Variants in GPSM2 observed in about 807,000 individuals in gnomAD.
GPSM2 encodes G protein-signaling modulator 2.
Under a neutral mutation model 78.4 loss-of-function variants are expected in GPSM2, and 58 were observed. That is an observed-to-expected ratio of 0.74 (90% CI 0.60 to 0.92). The LOEUF is 0.92. GPSM2 is among the 40% of genes least tolerant of loss of function. The probability of loss-of-function intolerance (pLI) is 0.00; values close to 1 mark genes in which losing one functional copy is unlikely to be tolerated. For synonymous variants in GPSM2, 224 were observed against 280.2 expected (o/e 0.80, Z 2.00); for missense variants, 700 against 815.5 (o/e 0.86, Z 1.73).
Position 108,931,315 on chromosome 1 carries a change from A to G in GPSM2, c.*1375A>G. 1 of 1,546,820 alleles carries G rather than the reference A, an allele frequency of 6.5e-7. No homozygotes were observed. Among genetic ancestry groups the G allele is most frequent in the Non-Finnish European group, 8.7e-7 (1 of 1,144,652 alleles). On this transcript the variant is annotated 3_prime_UTR_variant, in exon 15 of 15. Coordinates refer to ENST00000264126, the MANE Select transcript of GPSM2 (RefSeq NM_013296.5). ...AAGCTTTGTCTTCCTTATCCCAGAT[A>G]TTGAAGGCAGTTTACAAGGGGATGA... is the stretch of plus-strand genomic sequence containing the variant.
At chr1:108,884,694 T>C (rs1647392210) in intron 1 of GPSM2, among the ~76,000 whole-genome samples, 1 of 152,236 alleles carries the variant, frequency 6.6e-6, no homozygotes, top group South Asian at 2.1e-4. Context: ...TATTTTAGAC[T>C]GAATGGTGTT....
intron 2 of GPSM2, among the ~76,000 whole-genome samples, chr1:108,886,551 G>T (rs1376734487): frequency 6.6e-6 from 1 of 152,210 alleles, no homozygotes; most frequent in Non-Finnish European, 1.5e-5. Context: ...CAAATGGATT[G>T]TCTACATTCC....
intron 11 of GPSM2, among the ~76,000 whole-genome samples, chr1:108,916,957 ACTAACCTC>A (rs1309197522): frequency 1.3e-5 from 2 of 152,336 alleles, no homozygotes; most frequent in East Asian, 3.9e-4. Context: ...AAATGTCTTT[ACTAACCTC>A]ACATTTGATA....
At chr1:108,924,261 T>C in intron 14 of GPSM2, 47 bp downstream of exon 14, 1 of 1,101,448 alleles carries the variant, frequency 9.1e-7, no homozygotes, top group Non-Finnish European at 1.4e-6. Flanking sequence ...CAGATACCAC[T>C]GAAAACATTG....
intron 2 of GPSM2, among the ~76,000 whole-genome samples, chr1:108,892,303 C>T (rs1183666848): frequency 6.6e-6 from 1 of 152,102 alleles, no homozygotes; most frequent in Non-Finnish European, 1.5e-5. Context: ...GTTTTGCATT[C>T]ACTGACGTCC....
chr1:108,912,508 T>C (rs551295329), intron 10 of GPSM2, among the ~76,000 whole-genome samples: 7 of 150,774 alleles, frequency 4.6e-5, no homozygotes, highest in African/African-American at 1.2e-4. Context: ...CTTTGGGAGG[T>C]TGAGGCAGGA....
chr1:108,907,470 A>G (rs1161849552), intron 10 of GPSM2, among the ~76,000 whole-genome samples: 1 of 152,244 alleles, frequency 6.6e-6, no homozygotes, highest in Non-Finnish European at 1.5e-5. Flanking sequence ...ATTACCAAAT[A>G]TGTAAAGAAA....
In GPSM2 at chr1:108,931,479, T is replaced by C. The variant is rs1349942409; in HGVS notation, c.*1539T>C. 3.2e-6 allele frequency: 5 copies of C among 1,550,668 alleles called. No individual in the cohort carries two copies. Among genetic ancestry groups the C allele is most frequent in the Non-Finnish European group, 4.4e-6 (5 of 1,146,982 alleles). On this transcript the variant is annotated 3_prime_UTR_variant, in exon 15 of 15. Coordinates refer to ENST00000264126, the MANE Select transcript of GPSM2 (RefSeq NM_013296.5). ...GTTTCACTCTGCTTGCTTCAGACTGTGCACAGCTGGGATGGGATCTGGGGA... is the reference window on the plus strand; with the variant it reads ...GTTTCACTCTGCTTGCTTCAGACTGCGCACAGCTGGGATGGGATCTGGGGA...
chr1:108,882,152 C>T (rs1240092789), intron 1 of GPSM2, among the ~76,000 whole-genome samples: 3 of 152,134 alleles, frequency 2.0e-5, no homozygotes, highest in Admixed American at 6.5e-5. Flanking sequence ...GGGTCTTGTA[C>T]GTTGCCTGGG....
intron 10 of GPSM2, among the ~76,000 whole-genome samples, chr1:108,913,976 TTTCC>T (rs1649977576): frequency 6.6e-6 from 1 of 152,170 alleles, no homozygotes; most frequent in Admixed American, 6.5e-5. Flanking sequence ...CCTACAGCCT[TTTCC>T]TTCTGTTATA....
intron 12 of GPSM2, among the ~76,000 whole-genome samples, chr1:108,920,012 A>G (rs918085366): frequency 9.9e-5 from 15 of 152,060 alleles, no homozygotes; most frequent in African/African-American, 3.6e-4. Flanking sequence ...CCAAAAATAC[A>G]AAAAATAACC....
chr1:108,927,644 G>A (rs1272311422), intron 14 of GPSM2, among the ~76,000 whole-genome samples: 4 of 152,094 alleles, frequency 2.6e-5, no homozygotes, highest in African/African-American at 4.8e-5. Flanking sequence ...AACTCAAAGT[G>A]GGCCAAAGAC....
chr1:108,882,519 C>G (rs1199902814), intron 1 of GPSM2: 2 of 152,130 alleles, frequency 1.3e-5, no homozygotes, highest in Middle Eastern at 3.2e-3. Context: ...AGTAGAGACA[C>G]AACTTTTCAT....
intron 10 of GPSM2, among the ~76,000 whole-genome samples, chr1:108,914,021 T>C (rs368071988): frequency 7.2e-5 from 11 of 152,356 alleles, no homozygotes; most frequent in African/African-American, 2.2e-4. Context: ...ATTGTTATTT[T>C]TGAAACTGTG....
At chr1:108,881,299 G>A (rs1430510019) in intron 1 of GPSM2, among the ~76,000 whole-genome samples, 2 of 152,174 alleles carry the variant, frequency 1.3e-5, no homozygotes. Flanking sequence ...ATTGTTAGTT[G>A]TAAATAGTAG....
intron 14 of GPSM2, among the ~76,000 whole-genome samples, chr1:108,925,549 G>T (rs1651056098): frequency 6.6e-6 from 1 of 152,098 alleles, no homozygotes; most frequent in South Asian, 2.1e-4. Context: ...GGTGGGGTGT[G>T]GTGTGGTGGA....
intron 2 of GPSM2, among the ~76,000 whole-genome samples, chr1:108,895,237 A>G (rs1188559702): frequency 1.3e-5 from 2 of 152,190 alleles, no homozygotes; most frequent in Admixed American, 1.3e-4. Flanking sequence ...ATTAAGAACA[A>G]CTGCTCTATT....
chr1:108,901,893 G>T lies in GPSM2; in HGVS notation c.901G>T (p.Ala301Ser), dbSNP rs1648855052. The change falls in exon 8 of 15, where the codon GCC becomes TCC. Residue 301 changes from alanine (A) to serine (S), a missense_variant. Transcript: ENST00000264126. ...TYTLLQDYEK[A>S]IDYHLKHLAI... ...TACTTTACTTCAAGACTATGAAAAG[G>T]CCATTGATTATCATCTGAAGCACTT... The T allele has an allele frequency of 1.2e-6, 2 of 1,610,814 alleles. No homozygotes were observed. Among genetic ancestry groups the T allele is most frequent in the Admixed American group, 1.7e-5 (1 of 59,998 alleles).
At chr1:108,928,458 AG>A (rs1156873710) in intron 14 of GPSM2, among the ~76,000 whole-genome samples, 3 of 152,202 alleles carry the variant, frequency 2.0e-5, no homozygotes, top group Non-Finnish European at 2.9e-5. Flanking sequence ...GTATGTGTGG[AG>A]GTGGCACTCA....
Sources: allele counts gnomAD v4.1 joint callset (sites outside exome capture counted in the v4.1 genomes callset), GRCh38; gene constraint gnomAD v4.1.1; transcripts MANE v1.5; gene names NCBI Gene and HGNC (gene_info 2026-07-23, HGNC 2026-07-21).